The following SMCO2 variants were observed in gnomAD, a reference collection of about 807,000 sequenced individuals.
The protein encoded by SMCO2 is single-pass membrane protein with coiled-coil domains 2, also known as single-pass membrane and coiled-coil domain-containing protein 2.
SMCO2 carries 25 observed loss-of-function variants against 29.5 expected under a neutral mutation model. That is an observed-to-expected ratio of 0.85 (90% CI 0.62 to 1.18). SMCO2 has a LOEUF of 1.18. SMCO2 is among the 50% of genes most tolerant of loss of function. SMCO2 has a pLI of 0.00. For missense variants in SMCO2, 348 were observed against 344.5 expected, an observed-to-expected ratio of 1.01 and a Z score of -0.08; for synonymous variants, 117 against 123.3, an observed-to-expected ratio of 0.95 and a Z score of 0.34.
chr12:27,489,462 A>G (rs1949717639), intron 5 of SMCO2, among the ~76,000 whole-genome samples: 1 of 152,196 alleles, frequency 6.6e-6, no homozygotes, highest in South Asian at 2.1e-4. Flanking sequence ...GCTTGAAGAA[A>G]GGTCCCTGAA....
the SMCO2 span, among the ~76,000 whole-genome samples, chr12:27,430,966 A>C: frequency 1.3e-5 from 2 of 152,088 alleles, no homozygotes; most frequent in African/African-American, 2.4e-5. Context: ...CTGAACTCAA[A>C]GCACAGCAAT....
At chr12:27,453,132 G>A in the SMCO2 span, among the ~76,000 whole-genome samples, 1 of 152,144 alleles carries the variant, frequency 6.6e-6, no homozygotes, top group Non-Finnish European at 1.5e-5. Flanking sequence ...TAAAATTCTG[G>A]AGTTGAGCAT....
chr12:27,432,074 T>A, the SMCO2 span, among the ~76,000 whole-genome samples: 2 of 151,394 alleles, frequency 1.3e-5, no homozygotes, highest in African/African-American at 4.8e-5. Flanking sequence ...CATTTGTATA[T>A]CTTCTGTCCT....
chr12:27,454,910 C>T, the SMCO2 span, among the ~76,000 whole-genome samples: 1 of 152,058 alleles, frequency 6.6e-6, no homozygotes, highest in African/African-American at 2.4e-5. Flanking sequence ...TGAGCTCATC[C>T]TTTTTTATGG....
chr12:27,456,803 G>T, the SMCO2 span, among the ~76,000 whole-genome samples: 14 of 152,084 alleles, frequency 9.2e-5, no homozygotes, highest in Admixed American at 9.2e-4. Context: ...ACCCTGTTAG[G>T]TACCAGTTAG....
chr12:27,443,787 G>A, the SMCO2 span, among the ~76,000 whole-genome samples: 3 of 151,892 alleles, frequency 2.0e-5, no homozygotes, highest in Admixed American at 6.6e-5. Context: ...ATCTATACAA[G>A]GAAAACAATA....
the SMCO2 span, among the ~76,000 whole-genome samples, chr12:27,430,164 T>C: frequency 6.6e-6 from 1 of 152,214 alleles, no homozygotes; most frequent in African/African-American, 2.4e-5. Flanking sequence ...AGTTCTTGTA[T>C]ATTCTGGTAC....
the SMCO2 span, chr12:27,425,136 T>C: frequency 6.6e-6 from 1 of 152,246 alleles, no homozygotes; most frequent in African/African-American, 2.4e-5. Flanking sequence ...TTGTCTTTTA[T>C]ACAATTTTTA....
intron 2 of SMCO2, among the ~76,000 whole-genome samples, chr12:27,470,970 C>A (rs1008853030): frequency 1.3e-5 from 2 of 151,962 alleles, no homozygotes; most frequent in Admixed American, 1.3e-4. Context: ...ATAAACTGGG[C>A]AGATACAGAT....
intron 7 of SMCO2, chr12:27,497,400 G>T: frequency 4.5e-6 from 1 of 220,668 alleles, no homozygotes; most frequent in South Asian, 8.2e-5. Context: ...GATGATGGCA[G>T]AAAGTTTGTG....
At chr12:27,499,150 G>A (rs1257758723) in intron 7 of SMCO2, among the ~76,000 whole-genome samples, 1 of 150,718 alleles carries the variant, frequency 6.6e-6, no homozygotes, top group Admixed American at 6.6e-5. Flanking sequence ...GTTCATGGCA[G>A]CATTATTCAT....
chr12:27,433,506 T>TAC, the SMCO2 span, among the ~76,000 whole-genome samples: 4,086 of 147,918 alleles, frequency 0.028, 82 homozygotes, highest in African/African-American at 0.054. Context: ...CAGATGTGTA[T>TAC]ACACACACAC....
chr12:27,461,288 G>A, the SMCO2 span, among the ~76,000 whole-genome samples: 1 of 152,142 alleles, frequency 6.6e-6, no homozygotes, highest in African/African-American at 2.4e-5. Context: ...AGGAGTACAT[G>A]TGCAGGTTTG....
At chr12:27,442,711 C>T in the SMCO2 span, among the ~76,000 whole-genome samples, 2 of 152,244 alleles carry the variant, frequency 1.3e-5, no homozygotes, top group Admixed American at 6.5e-5. Context: ...GCCTCAGCCT[C>T]CTGGGCTCAA....
chr12:27,453,992 TG>T, the SMCO2 span, among the ~76,000 whole-genome samples: 1 of 152,140 alleles, frequency 6.6e-6, no homozygotes, highest in South Asian at 2.1e-4. Flanking sequence ...ATCTCTTTTT[TG>T]TGGGGGAGGG....
At chr12:27,488,974 T>G (rs1949712298) in intron 5 of SMCO2, among the ~76,000 whole-genome samples, 1 of 152,172 alleles carries the variant, frequency 6.6e-6, no homozygotes, top group Non-Finnish European at 1.5e-5. Flanking sequence ...TTTCACAATC[T>G]CCAGAGTTTT....
the SMCO2 span, among the ~76,000 whole-genome samples, chr12:27,448,184 A>T: frequency 6.6e-6 from 1 of 152,206 alleles, no homozygotes; most frequent in Non-Finnish European, 1.5e-5. Flanking sequence ...TAGCTGTAGG[A>T]CCTTGAACAA....
the SMCO2 span, among the ~76,000 whole-genome samples, chr12:27,454,796 A>G: frequency 1.3e-5 from 2 of 151,572 alleles, no homozygotes; most frequent in African/African-American, 4.9e-5. Context: ...TCATCATTCA[A>G]CTCCCACTTA....
intron 4 of SMCO2, among the ~76,000 whole-genome samples, chr12:27,480,931 GT>G (rs1270642746): frequency 6.6e-6 from 1 of 152,134 alleles, no homozygotes; most frequent in Non-Finnish European, 1.5e-5. Flanking sequence ...CTAACACACT[GT>G]CAGTGGCAGA....
Sources: gnomAD v4.1 joint callset for allele counts (sites outside exome capture counted in the v4.1 genomes callset) on GRCh38, gnomAD v4.1.1 for gene constraint, MANE v1.5 for transcripts, NCBI Gene and HGNC (gene_info 2026-07-23, HGNC 2026-07-21) for gene names.